The following SEC14L6 variants were observed in gnomAD, a reference collection of about 807,000 sequenced individuals.
SEC14L6 encodes the protein SEC14-like protein 6.
Under a neutral mutation model 54.1 loss-of-function variants are expected in SEC14L6, and 40 were observed. The observed-to-expected ratio is 0.74, with a 90% CI of 0.57 to 0.96. The LOEUF is 0.96. Among genes scored for constraint, SEC14L6 ranks in the 40% least tolerant of loss-of-function variants. The pLI is 0.00. For synonymous variants in SEC14L6, 171 were observed against 198.4 expected (o/e 0.86, Z 1.16); for missense variants, 471 against 498.3 (o/e 0.95, Z 0.52).
chr22:30,526,160 G>A (rs1187939299), intron 8 of SEC14L6, among the ~76,000 whole-genome samples: 2 of 146,972 alleles, frequency 1.4e-5, no homozygotes, highest in African/African-American at 4.9e-5. Context: ...TCCCAGGCCT[G>A]CCCCTCTCTT....
At chr22:30,528,281 C>A (rs1280261630) in intron 8 of SEC14L6, among the ~76,000 whole-genome samples, 1 of 151,560 alleles carries the variant, frequency 6.6e-6, no homozygotes. Context: ...GCCACCACGC[C>A]CGGCTAATTT....
Position 30,546,650 on chromosome 22 carries a change from C to T in SEC14L6, c.33G>A (p.Ser11=), listed in dbSNP as rs1391845008. ...TCACCTGGGCCAGCGACTTCTCCTG[C>T]GATGGGCTCAGGTCACCCACTTGTC... MSGQVGDLSP[S]QEKSLAQFRE... is the part of the protein sequence containing the mutation. The change falls in exon 1 of 12, where the codon TCG becomes TCA. Residue 11 remains serine (S), a synonymous_variant. Transcript: ENST00000402034. 2 of 1,550,496 alleles carry T rather than the reference C, an allele frequency of 1.3e-6. No individual in the cohort carries two copies. The highest frequency in any genetic ancestry group is 1.2e-5 in the South Asian group (1 of 84,056).
intron 6 of SEC14L6, among the ~76,000 whole-genome samples, chr22:30,530,132 G>A (rs948134727): frequency 2.6e-5 from 4 of 152,046 alleles, no homozygotes; most frequent in East Asian, 1.9e-4. Context: ...GATATTGTCC[G>A]GGCGTGGTGG....
At position 30,533,990 on chromosome 22, in the gene SEC14L6, C is replaced by G; in HGVS notation, c.174+6G>C. Reference sequence around the variant, plus strand: ...CAGGCTAGGCAGGGGGAGGTGTCAACCTCACCTTCCTCAGCATGTCCTCTG... The same window carrying G: ...CAGGCTAGGCAGGGGGAGGTGTCAAGCTCACCTTCCTCAGCATGTCCTCTG... On this transcript the variant is annotated splice_donor_region_variant and intron_variant, in intron 3 of 11. Transcript: ENST00000402034. The G allele has an allele frequency of 6.5e-7, 1 of 1,550,256 alleles. No individual in the cohort carries two copies. The highest frequency in any genetic ancestry group is 8.7e-7 in the Non-Finnish European group (1 of 1,146,628).
At chr22:30,544,139 GA>G in intron 1 of SEC14L6, 5 of 1,212,692 alleles carry the variant, frequency 4.1e-6, no homozygotes, top group Non-Finnish European at 5.9e-6. Context: ...GTCCCACAAG[GA>G]GCCGCCATGA....
At chr22:30,542,211 C>T (rs1276598035) in intron 1 of SEC14L6, among the ~76,000 whole-genome samples, 1 of 152,192 alleles carries the variant, frequency 6.6e-6, no homozygotes, top group African/African-American at 2.4e-5. Flanking sequence ...AAGGATCGGT[C>T]CCCTCCGGCC....
intron 8 of SEC14L6, among the ~76,000 whole-genome samples, chr22:30,526,524 G>A (rs1390825661): frequency 6.6e-6 from 1 of 152,204 alleles, no homozygotes; most frequent in Non-Finnish European, 1.5e-5. Context: ...GTATAAGCAT[G>A]AAAGCGGTGG....
chr22:30,525,186 G>T, intron 11 of SEC14L6, 77 bp from the exon 12 acceptor site: 1 of 1,265,878 alleles, frequency 7.9e-7, no homozygotes, highest in Non-Finnish European at 1.1e-6. Flanking sequence ...TCTCTGCGTG[G>T]GTACCCAGAC....
chr22:30,543,139 C>T, intron 1 of SEC14L6: 8 of 1,603,602 alleles, frequency 5.0e-6, no homozygotes, highest in Non-Finnish European at 6.8e-6. Flanking sequence ...TGGGAATCAG[C>T]TCTCAGACTT....
At chr22:30,525,985 G>C (rs1009638920) in intron 8 of SEC14L6, 53 bp from the exon 9 acceptor site, 1 of 1,550,220 alleles carries the variant, frequency 6.5e-7, no homozygotes, top group African/African-American at 1.4e-5. Context: ...CTCAACAGAG[G>C]GCAGAGGGGG....
chr22:30,535,136 A>G (rs1937104233), intron 2 of SEC14L6, among the ~76,000 whole-genome samples: 1 of 152,130 alleles, frequency 6.6e-6, no homozygotes, highest in Non-Finnish European at 1.5e-5. Flanking sequence ...TTCTTTTTCT[A>G]TACCTTCCAG....
intron 7 of SEC14L6, 31 bp downstream of exon 7, chr22:30,529,258 A>C: frequency 4.5e-6 from 7 of 1,548,318 alleles, no homozygotes; most frequent in Non-Finnish European, 6.1e-6. Flanking sequence ...TGTCCCCCCA[A>C]CTCATGCATA....
At chr22:30,535,390 TG>T (rs1415356920) in intron 2 of SEC14L6, among the ~76,000 whole-genome samples, 1 of 152,228 alleles carries the variant, frequency 6.6e-6, no homozygotes, top group Non-Finnish European at 1.5e-5. Context: ...TGGTTTCACT[TG>T]GTCCCCAGGG....
intron 1 of SEC14L6, among the ~76,000 whole-genome samples, chr22:30,540,389 TTGAG>T (rs1175070572): frequency 7.1e-6 from 1 of 140,416 alleles, no homozygotes; most frequent in Non-Finnish European, 1.6e-5. Context: ...TTTTTTTTTT[TTGAG>T]TATTGTATTT....
At chr22:30,541,194 A>T (rs1210578078) in intron 1 of SEC14L6, among the ~76,000 whole-genome samples, 2 of 65,466 alleles carry the variant, frequency 3.1e-5, no homozygotes, top group East Asian at 5.5e-4. Flanking sequence ...CACAACTTTT[A>T]AAAAAATTTT....
chr22:30,525,778 T>C (rs990381152), intron 9 of SEC14L6, 28 bp from the exon 10 acceptor site: 3 of 1,613,664 alleles, frequency 1.9e-6, no homozygotes, highest in Non-Finnish European at 2.5e-6. Context: ...GTGTGGGCAC[T>C]AGGTCACAGC....
chr22:30,540,883 G>A (rs2085694722), intron 1 of SEC14L6, among the ~76,000 whole-genome samples: 1 of 151,902 alleles, frequency 6.6e-6, no homozygotes, highest in African/African-American at 2.4e-5. Flanking sequence ...GCTGGGCGTG[G>A]TGGCAGGCGC....
Position 30,531,932 on chromosome 22 carries a change from A to G in SEC14L6, c.490T>C (p.Trp164Arg), listed in dbSNP as rs545283132. The change falls in exon 6 of 12, where the codon TGG becomes CGG. Residue 164 changes from tryptophan (W) to arginine (R), a missense_variant. By Grantham distance (101) the Trp-to-Arg change is moderately radical. Transcript: ENST00000402034. Reference sequence around the variant, plus strand: ...TGGAGAAGCTCTATTCCTGGCTTCCACAGATCCCTCAGGCCCAGCCCTTCG... The same window carrying G: ...TGGAGAAGCTCTATTCCTGGCTTCCGCAGATCCCTCAGGCCCAGCCCTTCG... The part of the protein sequence containing the change: ...GLEGLGLRDL[W>R]KPGIELLQEF... The G allele has an allele frequency of 1.9e-5, 30 of 1,550,772 alleles. No individual in the cohort carries two copies. The African/African-American group carries it at 3.3e-4, about 17-fold the overall frequency.
At chr22:30,534,791 A>G (rs1937093151) in intron 2 of SEC14L6, among the ~76,000 whole-genome samples, 1 of 152,142 alleles carries the variant, frequency 6.6e-6, no homozygotes, top group Non-Finnish European at 1.5e-5. Flanking sequence ...TTTGGAGGCC[A>G]AGGTGGGCAG....
Sources: gnomAD v4.1 joint callset for allele counts (sites outside exome capture counted in the v4.1 genomes callset) on GRCh38, gnomAD v4.1.1 for gene constraint, MANE v1.5 for transcripts, NCBI Gene and HGNC (gene_info 2026-07-23, HGNC 2026-07-21) for gene names.